Variants in PARD3B observed in about 807,000 individuals in gnomAD.
PARD3B encodes the protein partitioning defective 3 homolog B.
In PARD3B, 103 loss-of-function variants were observed where a neutral mutation model predicts 130.2. The ratio of observed to expected loss-of-function variants is 0.79; its 90% CI spans 0.67 to 0.93. The LOEUF is 0.93. Ranked by LOEUF, PARD3B falls within the 40% of genes least tolerant of loss-of-function variation. The pLI, the probability that PARD3B is intolerant of heterozygous loss-of-function variation, is 0.00. For synonymous variants in PARD3B, 583 were observed against 553.2 expected, an observed-to-expected ratio of 1.05 and a Z score of -0.76; for missense variants, 1,609 against 1,499.2, an observed-to-expected ratio of 1.07 and a Z score of -1.21.
intron 2 of PARD3B, among the ~76,000 whole-genome samples, chr2:204,915,705 A>G (rs531154560): frequency 6.6e-6 from 1 of 152,324 alleles, no homozygotes; most frequent in East Asian, 1.9e-4. Context: ...AACAATATTT[A>G]GGGCTTCCAC....
intron 21 of PARD3B, among the ~76,000 whole-genome samples, chr2:205,526,034 A>G (rs959240025): frequency 6.6e-6 from 1 of 152,222 alleles, no homozygotes; most frequent in Non-Finnish European, 1.5e-5. Context: ...TGCTGTCTCC[A>G]GTACCCCCAG....
At chr2:204,870,602 G>C (rs2045595073) in intron 2 of PARD3B, among the ~76,000 whole-genome samples, 1 of 152,166 alleles carries the variant, frequency 6.6e-6, no homozygotes, top group Admixed American at 6.5e-5. Context: ...ACTTTGCTAA[G>C]TAAAATAGGA....
intron 2 of PARD3B, among the ~76,000 whole-genome samples, chr2:204,730,572 G>GT (rs2039462358): frequency 7.9e-6 from 1 of 127,272 alleles, no homozygotes; most frequent in Non-Finnish European, 1.6e-5. Context: ...AGATGCAGGG[G>GT]TAAAAAAAAA....
At chr2:205,507,196 A>ATTTTT (rs71410819) in intron 21 of PARD3B, among the ~76,000 whole-genome samples, 1,661 of 25,196 alleles carry the variant, frequency 0.066, 761 homozygotes, top group Non-Finnish European at 0.081. Flanking sequence ...CAGGTGCAGT[A>ATTTTT]TTTTTTTTTT....
At chr2:205,390,506 G>A (rs917656243) in intron 18 of PARD3B, among the ~76,000 whole-genome samples, 1 of 152,134 alleles carries the variant, frequency 6.6e-6, no homozygotes, top group Non-Finnish European at 1.5e-5. Flanking sequence ...CTAGAGAAAA[G>A]ATGCGAATTT....
At chr2:204,618,967 TTTCTC>T in intron 1 of PARD3B, among the ~76,000 whole-genome samples, 1 of 152,312 alleles carries the variant, frequency 6.6e-6, no homozygotes. Context: ...TTCTTTTTGT[TTTCTC>T]TTCTTCCATC....
chr2:205,189,361 T>A lies in PARD3B; in HGVS notation c.2024+3498T>A, dbSNP rs539854798. Among the ~76,000 whole-genome samples, 5 of 152,356 alleles carry A rather than the reference T, an allele frequency of 3.3e-5. No individual in the cohort carries two copies. The South Asian group carries it at 1.0e-3, about 32-fold the overall frequency. On this transcript the variant is annotated intron_variant, in intron 14 of 22. Coordinates refer to ENST00000406610, the MANE Select transcript of PARD3B (RefSeq NM_001302769.2). ...ATACATCTTTTACATTCCTGGTTTG[T>A]CACCATAGTCAAACACTGGCATATG...
chr2:205,051,704 A>G (rs1360351170), intron 4 of PARD3B, among the ~76,000 whole-genome samples: 1 of 152,186 alleles, frequency 6.6e-6, no homozygotes, highest in Non-Finnish European at 1.5e-5. Context: ...CAAATTGGTT[A>G]TTTAAGATGT....
At chr2:205,275,119 G>T (rs2040886168) in intron 16 of PARD3B, among the ~76,000 whole-genome samples, 1 of 151,936 alleles carries the variant, frequency 6.6e-6, no homozygotes, top group Admixed American at 6.6e-5. Flanking sequence ...AGTGACTGAA[G>T]GGGTAATATA....
intron 3 of PARD3B, among the ~76,000 whole-genome samples, chr2:205,022,107 T>C (rs1257169509): frequency 2.0e-5 from 3 of 152,232 alleles, no homozygotes; most frequent in Non-Finnish European, 4.4e-5. Context: ...GATAAAAATC[T>C]AATGATTCAG....
At chr2:205,052,452 A>ATATATATATATATATATATATAT (rs1443249681) in intron 4 of PARD3B, among the ~76,000 whole-genome samples, 2 of 20,530 alleles carry the variant, frequency 9.7e-5, no homozygotes, top group African/African-American at 2.0e-4. Context: ...TATATATATA[A>ATATATATATATATATATATATAT]AATTAAAAAA....
At chr2:204,775,081 A>C (rs544606844) in intron 2 of PARD3B, among the ~76,000 whole-genome samples, 1 of 152,132 alleles carries the variant, frequency 6.6e-6, no homozygotes, top group Admixed American at 6.6e-5. Flanking sequence ...CTGGATTTCC[A>C]CAAGCCTGAG....
intron 2 of PARD3B, among the ~76,000 whole-genome samples, chr2:204,760,625 A>G (rs1291899583): frequency 6.6e-6 from 1 of 152,092 alleles, no homozygotes; most frequent in African/African-American, 2.4e-5. Flanking sequence ...TTCCTGGTTC[A>G]TTATTAAACT....
At chr2:204,806,407 A>C (rs1478972861) in intron 2 of PARD3B, among the ~76,000 whole-genome samples, 1 of 152,206 alleles carries the variant, frequency 6.6e-6, no homozygotes, top group Non-Finnish European at 1.5e-5. Context: ...GTCTTCAATA[A>C]ATAGTGCTGA....
intron 18 of PARD3B, among the ~76,000 whole-genome samples, chr2:205,400,479 A>G (rs910064768): frequency 4.6e-5 from 7 of 152,064 alleles, no homozygotes; most frequent in South Asian, 2.1e-4. Context: ...CGTCTCTACT[A>G]AAAATACAAA....
intron 15 of PARD3B, among the ~76,000 whole-genome samples, chr2:205,245,394 T>C (rs943547804): frequency 3.3e-4 from 50 of 152,292 alleles, no homozygotes; most frequent in African/African-American, 1.0e-3. Context: ...GTATTTAATA[T>C]ACACACAGAC....
chr2:204,742,849 G>A (rs779315265), intron 2 of PARD3B, among the ~76,000 whole-genome samples: 1 of 152,140 alleles, frequency 6.6e-6, no homozygotes, highest in Non-Finnish European at 1.5e-5. Flanking sequence ...TATGGAGGGG[G>A]TGTTCATATA....
chr2:205,052,782 G>T (rs1699317541), intron 4 of PARD3B, among the ~76,000 whole-genome samples: 1 of 152,032 alleles, frequency 6.6e-6, no homozygotes, highest in Admixed American at 6.6e-5. Context: ...CTGTTTACAT[G>T]ACACATAATA....
At chr2:204,612,168 A>G (rs1388066857) in intron 1 of PARD3B, among the ~76,000 whole-genome samples, 1 of 152,242 alleles carries the variant, frequency 6.6e-6, no homozygotes, top group Admixed American at 6.5e-5. Context: ...GAGATACTAA[A>G]TGTTGTAGAC....
Sources: gnomAD v4.1 joint callset for allele counts (sites outside exome capture counted in the v4.1 genomes callset) on GRCh38, gnomAD v4.1.1 for gene constraint, MANE v1.5 for transcripts, NCBI Gene and HGNC (gene_info 2026-07-23, HGNC 2026-07-21) for gene names.